The following RALYL variants were observed in gnomAD, a reference collection of about 807,000 sequenced individuals.
The protein encoded by RALYL is RNA-binding Raly-like protein.
RALYL carries 29 observed loss-of-function variants against 35.1 expected under a neutral mutation model. That is an observed-to-expected ratio of 0.83 (90% CI 0.61 to 1.13). The LOEUF is 1.13. RALYL is among the 50% of genes most tolerant of loss of function. The pLI is 0.00. For missense variants in RALYL, 359 were observed against 360.4 expected (o/e 1.00, Z 0.03); for synonymous variants, 120 against 127.6 (o/e 0.94, Z 0.40).
chr8:84,567,505 C>T (rs2061866276), intron 2 of RALYL, among the ~76,000 whole-genome samples: 1 of 151,690 alleles, frequency 6.6e-6, no homozygotes, highest in Non-Finnish European at 1.5e-5. Flanking sequence ...GTCTCCATCA[C>T]CATCTATATT....
chr8:84,638,871 A>G (rs10098906), intron 2 of RALYL, among the ~76,000 whole-genome samples: 1 of 86,258 alleles, frequency 1.2e-5, no homozygotes, highest in Non-Finnish European at 2.0e-5. Flanking sequence ...TGCACGCATA[A>G]ATATATATAT....
At chr8:84,286,358 T>C (rs1417555559) in intron 1 of RALYL, among the ~76,000 whole-genome samples, 1 of 152,216 alleles carries the variant, frequency 6.6e-6, no homozygotes, top group African/African-American at 2.4e-5. Context: ...AGATTGATCT[T>C]TTATTCATGT....
chr8:84,448,338 A>G (rs1016503650), intron 1 of RALYL, among the ~76,000 whole-genome samples: 1 of 152,034 alleles, frequency 6.6e-6, no homozygotes, highest in African/African-American at 2.4e-5. Flanking sequence ...CAGAGAGTTT[A>G]AGCATGCTCC....
At chr8:84,222,723 A>G (rs552696293) in intron 1 of RALYL, among the ~76,000 whole-genome samples, 78 of 152,258 alleles carry the variant, frequency 5.1e-4, no homozygotes, top group African/African-American at 1.8e-3. Flanking sequence ...TGCTGCATGC[A>G]AAGACCTTAA....
At chr8:84,574,675 A>C (rs1808885265) in intron 2 of RALYL, among the ~76,000 whole-genome samples, 1 of 151,940 alleles carries the variant, frequency 6.6e-6, no homozygotes, top group Non-Finnish European at 1.5e-5. Context: ...TGTGCTGCCT[A>C]CTTTTCAATT....
At chr8:84,659,231 G>A (rs887147204) in intron 2 of RALYL, among the ~76,000 whole-genome samples, 10 of 151,334 alleles carry the variant, frequency 6.6e-5, no homozygotes, top group Admixed American at 5.3e-4. Flanking sequence ...TTTTAAAAAG[G>A]GGTGTGGGGA....
intron 8 of RALYL, among the ~76,000 whole-genome samples, chr8:84,917,230 T>C (rs1029116267): frequency 6.6e-6 from 1 of 151,848 alleles, no homozygotes; most frequent in African/African-American, 2.4e-5. Context: ...GTGAGTCAGA[T>C]GGAAAATAGG....
chr8:84,906,913 C>G, intron 8 of RALYL: 1 of 981,848 alleles, frequency 1.0e-6, no homozygotes, highest in Non-Finnish European at 1.2e-6. Context: ...CCTTCTAAAC[C>G]TTCGCTGTCT....
intron 1 of RALYL, among the ~76,000 whole-genome samples, chr8:84,282,747 C>CGTGTGTGT (rs5892909): frequency 6.7e-6 from 1 of 148,686 alleles, no homozygotes; most frequent in African/African-American, 2.5e-5. Flanking sequence ...TATGTGTATG[C>CGTGTGTGT]GTGTGTGTGT....
Position 84,533,680 on chromosome 8 carries a change from A to G in RALYL, c.256+4103A>G, listed in dbSNP as rs532898633. ...GAAGCAAAGTGTGCTTTAGGAAAAG[A>G]ATATATAAAGCAGAGAATTAAATTA... On this transcript the variant is annotated intron_variant, in intron 2 of 8. Transcript: ENST00000521268. 8.5e-5 allele frequency among the ~76,000 whole-genome samples: 13 copies of G among 152,328 alleles called. No individual in the cohort carries two copies. The South Asian group carries it at 2.7e-3, about 32-fold the overall frequency.
chr8:84,545,922 T>C (rs1031703107), intron 2 of RALYL, among the ~76,000 whole-genome samples: 16 of 152,200 alleles, frequency 1.1e-4, no homozygotes, highest in African/African-American at 3.9e-4. Flanking sequence ...TGTCAAACTG[T>C]ATTAACTGAT....
chr8:84,529,666 C>T (rs2059147542), intron 2 of RALYL, 89 bp downstream of exon 2: 2 of 1,158,352 alleles, frequency 1.7e-6, no homozygotes, highest in African/African-American at 1.5e-5. Flanking sequence ...ACTGTTGTTT[C>T]TACCTCTTCT....
chr8:84,595,026 C>T (rs1249049753), intron 2 of RALYL, among the ~76,000 whole-genome samples: 1 of 152,042 alleles, frequency 6.6e-6, no homozygotes, highest in Non-Finnish European at 1.5e-5. Context: ...CACCCACATA[C>T]AGACAAAATG....
chr8:84,881,432 T>A (rs765529255), intron 7 of RALYL, among the ~76,000 whole-genome samples: 11 of 152,004 alleles, frequency 7.2e-5, no homozygotes, highest in Non-Finnish European at 1.2e-4. Context: ...ACAATTCAGC[T>A]AGCAATTATC....
intron 2 of RALYL, among the ~76,000 whole-genome samples, chr8:84,737,094 T>TA (rs1847454601): frequency 6.6e-6 from 1 of 152,072 alleles, no homozygotes; most frequent in Admixed American, 6.6e-5. Flanking sequence ...ACTCTATCTA[T>TA]TAAGAGCTCA....
chr8:84,587,171 T>A (rs779111414), intron 2 of RALYL, among the ~76,000 whole-genome samples: 1 of 152,178 alleles, frequency 6.6e-6, no homozygotes, highest in East Asian at 1.9e-4. Flanking sequence ...AAAACTGAGA[T>A]ACAAACTTTT....
At chr8:84,203,158 T>C (rs562664334) in intron 1 of RALYL, among the ~76,000 whole-genome samples, 3 of 152,318 alleles carry the variant, frequency 2.0e-5, no homozygotes, top group Non-Finnish European at 2.9e-5. Context: ...TGTTTGATAA[T>C]GTGGAGCCTT....
At chr8:84,757,666 T>C (rs1032304469) in intron 2 of RALYL, among the ~76,000 whole-genome samples, 1 of 152,134 alleles carries the variant, frequency 6.6e-6, no homozygotes, top group African/African-American at 2.4e-5. Flanking sequence ...CCATGTAATA[T>C]AGTGTGGCTA....
chr8:84,653,107 C>T (rs1203256525), intron 2 of RALYL, among the ~76,000 whole-genome samples: 1 of 151,956 alleles, frequency 6.6e-6, no homozygotes, highest in Non-Finnish European at 1.5e-5. Flanking sequence ...GAGTGCGTAC[C>T]AGAGTATAAT....
Sources: gnomAD v4.1 joint callset for allele counts (sites outside exome capture counted in the v4.1 genomes callset) on GRCh38, gnomAD v4.1.1 for gene constraint, MANE v1.5 for transcripts, NCBI Gene and HGNC (gene_info 2026-07-23, HGNC 2026-07-21) for gene names.